WDFY4: variants seen among roughly 807,000 people sequenced by gnomAD.
WDFY4 encodes the protein WD repeat- and FYVE domain-containing protein 4.
A neutral mutation model predicts 351.9 loss-of-function variants in WDFY4; 169 were observed. That is an observed-to-expected ratio of 0.48 (90% CI 0.42 to 0.55). WDFY4 has a LOEUF of 0.55. Ranked by LOEUF, WDFY4 falls within the 20% of genes least tolerant of loss-of-function variation. WDFY4 has a pLI of 0.00. For missense variants in WDFY4, 3,803 were observed against 3,935.6 expected (o/e 0.97, Z 0.90); for synonymous variants, 1,622 against 1,574.6 (o/e 1.03, Z -0.71).
chr10:48,789,569 G>T (rs1407444208), intron 21 of WDFY4, among the ~76,000 whole-genome samples: 2 of 152,214 alleles, frequency 1.3e-5, no homozygotes, highest in Non-Finnish European at 2.9e-5. Context: ...CCACCTGAAA[G>T]TGTCCTTGGG....
In WDFY4 at chr10:48,974,961, G is replaced by A; in HGVS notation, c.9028G>A (p.Asp3010Asn). Residue 3010 changes from aspartate to asparagine, a missense_variant, in exon 58 of 62, where the codon GAT (aspartate) becomes AAT (asparagine). Asp to Asn is a conservative substitution (Grantham distance 23). Coordinates refer to ENST00000325239, the MANE Select transcript of WDFY4 (RefSeq NM_001394531.1). ...GSQDCTCILWDLDHLTHVTRL... is the reference protein window; with the variant it reads ...GSQDCTCILWNLDHLTHVTRL... ...CCAGGACTGCACCTGTATCCTGTGGGATCTGGACCACCTCACCCACGTGAC... is the reference window on the plus strand; with the variant it reads ...CCAGGACTGCACCTGTATCCTGTGGAATCTGGACCACCTCACCCACGTGAC... 1 of 1,551,654 alleles carries A rather than the reference G, an allele frequency of 6.4e-7. No homozygotes were observed. The highest frequency in any genetic ancestry group is 8.7e-7 in the Non-Finnish European group (1 of 1,146,988).
intron 47 of WDFY4, among the ~76,000 whole-genome samples, chr10:48,933,966 C>T (rs1302801687): frequency 2.0e-5 from 3 of 152,074 alleles, no homozygotes; most frequent in Non-Finnish European, 2.9e-5. Context: ...ACTAACAAAC[C>T]GGTCTGCAGA....
Position 48,787,883 on chromosome 10 carries a change from TTCTTCTTCTCCTTCTTCTTCTTC to T in WDFY4, c.3809-645_3809-623del, listed in dbSNP as rs1173867308. Among the ~76,000 whole-genome samples the T allele has an allele frequency of 8.2e-4, 74 of 90,060 alleles. 5 individuals carry two copies. Among genetic ancestry groups the T allele is most frequent in the African/African-American group, 2.8e-3 (34 of 12,064 alleles). The allele number at this position is 90,060 out of a possible 152,430, so 59.1% of individuals were successfully genotyped here. A position where few individuals can be genotyped will look rare whatever the true frequency, so the allele number is the denominator to read the frequency against. On this transcript the variant is annotated intron_variant, in intron 20 of 61. Coordinates refer to ENST00000325239, the MANE Select transcript of WDFY4 (RefSeq NM_001394531.1). The stretch of plus-strand genomic sequence containing the variant: ...TTTCTTCTTCTTTCTTCTTTCTTTC[TTCTTCTTCTCCTTCTTCTTCTTC>T]TTCTTCTTCTTCTTCTTCTTCTTCT...
intron 35 of WDFY4, chr10:48,823,166 C>T (rs2067881496): frequency 2.3e-6 from 3 of 1,285,368 alleles, no homozygotes; most frequent in Non-Finnish European, 3.0e-6. Context: ...TTGAAAGAGA[C>T]CTTTTTTTTT....
intron 39 of WDFY4, among the ~76,000 whole-genome samples, chr10:48,844,916 A>G (rs1375910697): frequency 6.6e-6 from 1 of 152,218 alleles, no homozygotes; most frequent in Non-Finnish European, 1.5e-5. Context: ...AAAGACCTAG[A>G]TGATGCGCCA....
intron 56 of WDFY4, among the ~76,000 whole-genome samples, chr10:48,969,795 C>A (rs1842258517): frequency 6.6e-6 from 1 of 152,074 alleles, no homozygotes; most frequent in Non-Finnish European, 1.5e-5. Context: ...CTCTCCCCAG[C>A]CCCTCCCTAG....
rs2069873181 is a variant in WDFY4, at chr10:48,873,650, A to G, written c.6901A>G (p.Ile2301Val). 6.4e-7 allele frequency: 1 copy of G among 1,551,750 alleles called. No homozygotes were observed. The highest frequency in any genetic ancestry group is 1.7e-4 in the Middle Eastern group (1 of 6,016). Residue 2301 changes from isoleucine (I) to valine (V), a missense_variant, in exon 41 of 62, where the codon ATC (isoleucine) becomes GTC (valine). By Grantham distance (29) the Ile-to-Val change is conservative. Coordinates refer to ENST00000325239, the MANE Select transcript of WDFY4 (RefSeq NM_001394531.1). The part of the protein sequence containing the change: ...REGPARMRKR[I>V]KRLSPLEALS... ...AGGACCAGCTCGAATGAGGAAACGC[A>G]TCAAACGCTTGTCTCCTTTGGAGGC... is the stretch of plus-strand genomic sequence containing the variant.
intron 19 of WDFY4, among the ~76,000 whole-genome samples, chr10:48,785,158 C>T (rs978903444): frequency 1.3e-5 from 2 of 152,082 alleles, no homozygotes; most frequent in Non-Finnish European, 2.9e-5. Flanking sequence ...TTGCGCCTGG[C>T]CTTAAACTGT....
At chr10:48,856,923 C>G (rs115972806) in intron 39 of WDFY4, among the ~76,000 whole-genome samples, 1,622 of 152,254 alleles carry the variant, frequency 0.011, 27 homozygotes, top group African/African-American at 0.037. Context: ...CACACAGATA[C>G]AAATTTTCCA....
intron 14 of WDFY4, among the ~76,000 whole-genome samples, chr10:48,775,502 T>C (rs1008165849): frequency 7.2e-5 from 11 of 152,298 alleles, no homozygotes; most frequent in Non-Finnish European, 1.3e-4. Flanking sequence ...ATGACATCCA[T>C]CTTGAGGCTC....
rs374519380 is a variant in WDFY4 at position 48,913,881 on chromosome 10, A to G, written c.7586+12018A>G. 4 of 1,614,030 alleles carry G rather than the reference A, an allele frequency of 2.5e-6. No individual in the cohort carries two copies. The highest frequency in any genetic ancestry group is 1.3e-5 in the African/African-American group (1 of 74,916). On this transcript the variant is annotated intron_variant, in intron 47 of 61. Coordinates refer to ENST00000325239, the MANE Select transcript of WDFY4 (RefSeq NM_001394531.1). ...GTAGAGCAGGCTGGTCATCTGGCCA[A>G]TGGACTCAGGCAGCTTGTCTATGTA...
chr10:48,906,204 A>G (rs1168721972), intron 47 of WDFY4, among the ~76,000 whole-genome samples: 1 of 152,160 alleles, frequency 6.6e-6, no homozygotes, highest in East Asian at 1.9e-4. Context: ...AGGGTTTTCA[A>G]CTGGCCCATG....
At chr10:48,868,048 G>A (rs1352660790) in intron 40 of WDFY4, among the ~76,000 whole-genome samples, 1 of 152,170 alleles carries the variant, frequency 6.6e-6, no homozygotes, top group Admixed American at 6.5e-5. Context: ...GGAAAGGAGC[G>A]ATGGGGTATA....
intron 39 of WDFY4, among the ~76,000 whole-genome samples, chr10:48,854,159 G>A (rs1222751367): frequency 6.6e-6 from 1 of 150,856 alleles, no homozygotes; most frequent in Non-Finnish European, 1.5e-5. Context: ...GCCCAGGCTG[G>A]AGTACAGTGG....
chr10:48,717,611 C>T (rs1251509181), intron 2 of WDFY4, among the ~76,000 whole-genome samples: 5 of 152,166 alleles, frequency 3.3e-5, no homozygotes, highest in East Asian at 1.9e-4. Flanking sequence ...ACATATAAGG[C>T]CATCAGTAAC....
intron 51 of WDFY4, among the ~76,000 whole-genome samples, chr10:48,956,073 C>T (rs1419434182): frequency 1.3e-5 from 2 of 152,362 alleles, no homozygotes; most frequent in South Asian, 2.1e-4. Context: ...ATTTCTCTAA[C>T]CAGGACCTGG....
chr10:48,891,111 A>G (rs1325349953), intron 44 of WDFY4, among the ~76,000 whole-genome samples: 1 of 152,246 alleles, frequency 6.6e-6, no homozygotes, highest in African/African-American at 2.4e-5. Flanking sequence ...ACTTAATGCA[A>G]TCGGCAGCAT....
In WDFY4 at chr10:48,726,015, C is replaced by T. The variant is rs772458650; in HGVS notation, c.726C>T (p.Cys242=). The change falls in exon 6 of 62, where the codon TGC becomes TGT. Residue 242 remains cysteine, a synonymous_variant. Coordinates refer to ENST00000325239, the MANE Select transcript of WDFY4 (RefSeq NM_001394531.1). ...GCTTCTGGAAGGAACCCACCTTCTG[C>T]GTGCTAAGGGCAATCTCCAAGGCCC... ...SCCFWKEPTF[C]VLRAISKAQN... 38 of 1,551,634 alleles carry T rather than the reference C, an allele frequency of 2.4e-5. No homozygotes were observed. The South Asian group carries it at 2.5e-4, about 10-fold the overall frequency.
At chr10:48,865,494 A>C in intron 39 of WDFY4, among the ~76,000 whole-genome samples, 1 of 152,202 alleles carries the variant, frequency 6.6e-6, no homozygotes, top group Admixed American at 6.6e-5. Context: ...TTTCTACATT[A>C]ATATTTATAT....
Sources: gnomAD v4.1 joint callset for allele counts (sites outside exome capture counted in the v4.1 genomes callset) on GRCh38, gnomAD v4.1.1 for gene constraint, MANE v1.5 for transcripts, NCBI Gene and HGNC (gene_info 2026-07-23, HGNC 2026-07-21) for gene names.